Variants in SH3PXD2A observed in about 807,000 individuals in gnomAD.
The protein encoded by SH3PXD2A is SH3 and PX domain-containing protein 2A.
In SH3PXD2A, 32 loss-of-function variants were observed where a neutral mutation model predicts 115.2. The ratio of observed to expected loss-of-function variants is 0.28; its 90% CI spans 0.21 to 0.37. SH3PXD2A has a LOEUF of 0.37. Ranked by LOEUF, SH3PXD2A falls within the 10% of genes least tolerant of loss-of-function variation. The pLI, the probability that SH3PXD2A is intolerant of heterozygous loss-of-function variation, is 1.00. For synonymous variants in SH3PXD2A, 610 were observed against 629.1 expected, an observed-to-expected ratio of 0.97 and a Z score of 0.45; for missense variants, 1,328 against 1,498.7, an observed-to-expected ratio of 0.89 and a Z score of 1.88.
intron 2 of SH3PXD2A, among the ~76,000 whole-genome samples, chr10:103,779,029 C>T (rs1217416408): frequency 6.6e-6 from 1 of 152,170 alleles, no homozygotes; most frequent in South Asian, 2.1e-4. Flanking sequence ...AATAGTGTCT[C>T]CCCAGGAGTC....
chr10:103,837,915 C>G (rs999247604), intron 1 of SH3PXD2A, among the ~76,000 whole-genome samples: 2 of 152,126 alleles, frequency 1.3e-5, no homozygotes, highest in Non-Finnish European at 2.9e-5. Context: ...GCCCACTGAG[C>G]CGCCTCTTGG....
intron 11 of SH3PXD2A, 113 bp downstream of exon 11, chr10:103,617,083 TG>T (rs2036529912): frequency 8.1e-6 from 6 of 737,600 alleles, no homozygotes; most frequent in Non-Finnish European, 1.5e-5. Context: ...CCCTGTGCCG[TG>T]GGCACAAAGC....
At chr10:103,771,245 T>A (rs1369769275) in intron 2 of SH3PXD2A, among the ~76,000 whole-genome samples, 2 of 152,136 alleles carry the variant, frequency 1.3e-5, no homozygotes, top group African/African-American at 2.4e-5. Flanking sequence ...AACTTGACAT[T>A]TTTTCCCCAG....
intron 3 of SH3PXD2A, chr10:103,754,388 T>A (rs1225588413): frequency 6.6e-6 from 1 of 152,054 alleles, no homozygotes; most frequent in African/African-American, 2.4e-5. Flanking sequence ...TTTGTTGACT[T>A]AACTTTTTCC....
intron 8 of SH3PXD2A, among the ~76,000 whole-genome samples, chr10:103,649,530 A>G (rs1300282593): frequency 6.6e-6 from 1 of 152,220 alleles, no homozygotes; most frequent in African/African-American, 2.4e-5. Context: ...ACTGGCAGAA[A>G]GCCCCACCAG....
At chr10:103,842,163 C>G in intron 1 of SH3PXD2A, among the ~76,000 whole-genome samples, 1 of 151,164 alleles carries the variant, frequency 6.6e-6, no homozygotes, top group Non-Finnish European at 1.5e-5. Flanking sequence ...CTCCCACCAT[C>G]ACCAACATGC....
intron 1 of SH3PXD2A, among the ~76,000 whole-genome samples, 180 bp from the exon 2 acceptor site, chr10:103,801,542 T>TACACACACACACACACACACACAC (rs148335179): frequency 0.029 from 4,116 of 142,796 alleles, 116 homozygotes; most frequent in African/African-American, 0.042. Context: ...TATGTCTAAA[T>TACACACACACACACACACACACAC]ACACACACAC....
chr10:103,735,698 C>T lies in SH3PXD2A; in HGVS notation c.306+34G>A, dbSNP rs377081258. On this transcript the variant is annotated intron_variant, in intron 4 of 14. Transcript: ENST00000369774. The stretch of plus-strand genomic sequence containing the variant: ...CCCCTCTCCTCCCTGAAGCCCTCCC[C>T]GAGCCCCTCCCCCAGCCCCAGATAC... 5.0e-5 allele frequency: 70 copies of T among 1,394,672 alleles called. No individual in the cohort carries two copies. The African/African-American group carries it at 6.2e-4, about 12-fold the overall frequency. 86.4% of individuals were successfully genotyped at this position (1,394,672 alleles called of 1,614,324 possible). A position where few individuals can be genotyped will look rare whatever the true frequency, so the allele number is the denominator to read the frequency against.
chr10:103,606,887 C>T (rs189269441), intron 13 of SH3PXD2A, among the ~76,000 whole-genome samples: 15,128 of 152,238 alleles, frequency 0.099, 838 homozygotes, highest in East Asian at 0.21. Context: ...TCCCAAAGTG[C>T]GGAGAGTGCA....
At chr10:103,739,646 C>T (rs1218091387) in intron 3 of SH3PXD2A, among the ~76,000 whole-genome samples, 1 of 152,200 alleles carries the variant, frequency 6.6e-6, no homozygotes, top group East Asian at 1.9e-4. Flanking sequence ...AAATATAGTG[C>T]AGCCCGTTGA....
At chr10:103,625,059 C>T (rs548457661) in intron 9 of SH3PXD2A, among the ~76,000 whole-genome samples, 97 of 152,316 alleles carry the variant, frequency 6.4e-4, no homozygotes, top group African/African-American at 2.3e-3. Context: ...ACACCCACAC[C>T]GCCTCTGAAC....
At chr10:103,604,863 G>A (rs898482773) in intron 14 of SH3PXD2A, among the ~76,000 whole-genome samples, 3 of 152,198 alleles carry the variant, frequency 2.0e-5, no homozygotes. Flanking sequence ...CAGAGAGAAT[G>A]ATTTTTCTTG....
intron 8 of SH3PXD2A, among the ~76,000 whole-genome samples, chr10:103,632,802 C>T (rs372534360): frequency 3.3e-5 from 5 of 151,912 alleles, no homozygotes; most frequent in South Asian, 2.1e-4. Context: ...GGTGAAACCC[C>T]GTCTCTACTA....
At chr10:103,737,988 C>T (rs2038398965) in intron 3 of SH3PXD2A, among the ~76,000 whole-genome samples, 1 of 152,216 alleles carries the variant, frequency 6.6e-6, no homozygotes, top group Non-Finnish European at 1.5e-5. Context: ...CTCCTGTCTG[C>T]CCCCACACTA....
chr10:103,820,676 C>T (rs902734995), intron 1 of SH3PXD2A, among the ~76,000 whole-genome samples: 1 of 151,830 alleles, frequency 6.6e-6, no homozygotes, highest in African/African-American at 2.4e-5. Context: ...CAGGGAAAGG[C>T]GTGAGCTATA....
chr10:103,854,727 G>T (rs1389597562), intron 1 of SH3PXD2A, among the ~76,000 whole-genome samples: 2 of 152,186 alleles, frequency 1.3e-5, no homozygotes, highest in African/African-American at 4.8e-5. Flanking sequence ...CCCAGCCCCA[G>T]GCCTAGGAAG....
chr10:103,760,057 C>G (rs1325767929), intron 3 of SH3PXD2A, among the ~76,000 whole-genome samples: 1 of 152,224 alleles, frequency 6.6e-6, no homozygotes, highest in Non-Finnish European at 1.5e-5. Context: ...AGAGGTAGTG[C>G]CTTGCTCTGG....
intron 8 of SH3PXD2A, among the ~76,000 whole-genome samples, chr10:103,645,547 C>G (rs2134009565): frequency 6.6e-6 from 1 of 152,278 alleles, no homozygotes; most frequent in South Asian, 2.1e-4. Flanking sequence ...GGATACCTGA[C>G]CCGGCCATTT....
intron 3 of SH3PXD2A, among the ~76,000 whole-genome samples, chr10:103,763,932 C>T (rs1589445750): frequency 1.3e-5 from 2 of 152,260 alleles, no homozygotes; most frequent in South Asian, 2.1e-4. Context: ...CTTAGCTGAA[C>T]ACACATCTCT....
Sources: allele counts gnomAD v4.1 joint callset (sites outside exome capture counted in the v4.1 genomes callset), GRCh38; gene constraint gnomAD v4.1.1; transcripts MANE v1.5; gene names NCBI Gene and HGNC (gene_info 2026-07-23, HGNC 2026-07-21).